Variants in EFCAB6 observed in about 807,000 individuals in gnomAD.
The protein encoded by EFCAB6 is EF-hand calcium-binding domain-containing protein 6.
A neutral mutation model predicts 169.8 loss-of-function variants in EFCAB6; 156 were observed. The ratio of observed to expected loss-of-function variants is 0.92; its 90% confidence interval spans 0.81 to 1.05. The LOEUF (loss-of-function observed/expected upper bound fraction) is 1.05, where lower values mean the gene tolerates loss of function less well. Among genes scored for constraint, EFCAB6 ranks in the 50% least tolerant of loss-of-function variants. EFCAB6 has a pLI of 0.00. For synonymous variants in EFCAB6, 698 were observed against 676.4 expected, an observed-to-expected ratio of 1.03 and a Z score of -0.50; for missense variants, 1,800 against 1,829.1, an observed-to-expected ratio of 0.98 and a Z score of 0.29.
rs372985452 is a variant in EFCAB6, at chr22:43,677,503, G to A, written c.1419+493C>T. 3.9e-5 allele frequency among the ~76,000 whole-genome samples: 6 copies of A among 151,980 alleles called. 1 individual carries two copies. In the South Asian group the frequency reaches 6.2e-4, roughly 16 times the overall value. On this transcript the variant is annotated intron_variant, in intron 13 of 31. Transcript: ENST00000262726. ...TCTACTAAAAACACAAAAATTACCC[G>A]GGCGTAGCAGCACGTGCCTGTAGTC...
chr22:43,671,762 T>C (rs1334783576), intron 15 of EFCAB6, among the ~76,000 whole-genome samples: 1 of 152,202 alleles, frequency 6.6e-6, no homozygotes, highest in East Asian at 1.9e-4. Flanking sequence ...GGAATAATGT[T>C]AGCTACCTTA....
intron 13 of EFCAB6, among the ~76,000 whole-genome samples, chr22:43,677,423 G>GGGCA (rs2057807763): frequency 6.6e-6 from 1 of 152,150 alleles, no homozygotes; most frequent in Admixed American, 6.5e-5. Flanking sequence ...CGAGGCAAGT[G>GGGCA]GATCACGAGG....
chr22:43,566,850 A>ACC (rs57057176), intron 26 of EFCAB6, among the ~76,000 whole-genome samples: 46,739 of 151,866 alleles, frequency 0.31, 8,148 homozygotes, highest in African/African-American at 0.45. Flanking sequence ...GGTGGAGTGG[A>ACC]CCACCTTACT....
chr22:43,735,979 AATGTTTTTGAAAACCTAT>A lies in EFCAB6; in HGVS notation c.508-4_521del. 6.2e-7 allele frequency: 1 copy of A among 1,611,698 alleles called. No individual in the cohort carries two copies. The highest frequency in any genetic ancestry group is 8.5e-7 in the Non-Finnish European group (1 of 1,179,420). On this transcript the variant is annotated splice_acceptor_variant and splice_polypyrimidine_tract_variant and coding_sequence_variant and intron_variant, in exon 7 of 32. Transcript: ENST00000262726. LOFTEE classifies it high-confidence loss of function. ...GCTCAAAGGCTTTCATAACAGTCTT[AATGTTTTTGAAAACCTAT>A]GTACAAAAAGTGATTTAGGAAAAGT...
chr22:43,586,371 CGTG>C (rs748776355), intron 24 of EFCAB6, among the ~76,000 whole-genome samples: 13 of 36,074 alleles, frequency 3.6e-4, no homozygotes, highest in Non-Finnish European at 6.2e-4. Flanking sequence ...TTTTTTGTGA[CGTG>C]GTCTCGCTTT....
At position 43,590,094 on chromosome 22, in the gene EFCAB6, C is replaced by A. The variant is rs758601531; in HGVS notation, c.3012G>T (p.Glu1004Asp). The change falls in exon 24 of 32, where the codon GAG becomes GAT. Residue 1004 changes from glutamate to aspartate, a missense_variant. Transcript: ENST00000262726. ...AAGACCTGTTTAGCAGATGGGTCAG[C>A]TCCCCTTCGGTAAGAGAACATCCAC... ...EECGCSLTEG[E>D]LTHLLNSWGV... The A allele has an allele frequency of 6.2e-7, 1 of 1,613,906 alleles. No individual in the cohort carries two copies. The highest frequency in any genetic ancestry group is 1.1e-5 in the South Asian group (1 of 90,996).
At position 43,540,155 on chromosome 22, in the gene EFCAB6, G is replaced by C. The variant is rs1221800567; in HGVS notation, c.3851C>G (p.Pro1284Arg). 1 of 1,614,130 alleles carries C rather than the reference G, an allele frequency of 6.2e-7. No homozygotes were observed. The highest frequency in any genetic ancestry group is 8.5e-7 in the Non-Finnish European group (1 of 1,180,016). Residue 1284 changes from proline to arginine, a missense_variant, in exon 28 of 32, where the codon CCA becomes CGA. Pro to Arg is a moderately radical substitution (Grantham distance 103, BLOSUM62 -2). Transcript: ENST00000262726. ...ALSLPTQELRPGSKSQSHPCT... is the reference protein window; with the variant it reads ...ALSLPTQELRRGSKSQSHPCT... ...GGGGTGGCTCTGCGACTTTGACCCT[G>C]GTCTCAGCTCCTGAGTGGGCAATGA...
At chr22:43,586,340 ATTTTTTTTTT>A (rs36058832) in intron 24 of EFCAB6, among the ~76,000 whole-genome samples, 3 of 72,906 alleles carry the variant, frequency 4.1e-5, no homozygotes, top group African/African-American at 1.3e-4. Context: ...GCAACAACTG[ATTTTTTTTTT>A]TTTTTTTTTT....
intron 18 of EFCAB6, 133 bp downstream of exon 18, chr22:43,634,969 C>T (rs2055271284): frequency 5.9e-6 from 4 of 673,720 alleles, no homozygotes; most frequent in Admixed American, 2.3e-5. Context: ...TTGTTTGCAG[C>T]CCCAGAAGAC....
chr22:43,551,504 A>C (rs1169951093), intron 27 of EFCAB6, among the ~76,000 whole-genome samples: 1 of 152,198 alleles, frequency 6.6e-6, no homozygotes, highest in East Asian at 1.9e-4. Flanking sequence ...TTGTTTTTTA[A>C]ATTTTTTTCC....
At chr22:43,759,183 C>G (rs1159956217) in intron 5 of EFCAB6, 1 of 152,276 alleles carries the variant, frequency 6.6e-6, no homozygotes, top group Non-Finnish European at 1.5e-5. Context: ...CACATCTACT[C>G]TGTGAACTAA....
At chr22:43,706,866 C>T (rs925375838) in intron 10 of EFCAB6, among the ~76,000 whole-genome samples, 1 of 152,238 alleles carries the variant, frequency 6.6e-6, no homozygotes, top group African/African-American at 2.4e-5. Flanking sequence ...TTTGGCAACA[C>T]TGGACCTCCT....
In EFCAB6 at chr22:43,667,701, TG is replaced by T. The variant is rs528427540; in HGVS notation, c.1815-430del. ...TAAATGAAAGAAATAGGCTGTTTTG[TG>T]GTAACTAGATCAAGGAAGTCATCAA... On this transcript the variant is annotated intron_variant, in intron 16 of 31. Transcript: ENST00000262726. Among the ~76,000 whole-genome samples the T allele has an allele frequency of 5.8e-4, 89 of 152,228 alleles. No individual in the cohort carries two copies. The South Asian group carries it at 8.5e-3, about 15-fold the overall frequency.
At chr22:43,786,744 AAAG>A (rs2062093601) in intron 2 of EFCAB6, among the ~76,000 whole-genome samples, 1 of 151,924 alleles carries the variant, frequency 6.6e-6, no homozygotes, top group African/African-American at 2.4e-5. Flanking sequence ...AAATTTAAAA[AAAG>A]AAAGAAAAGA....
intron 26 of EFCAB6, among the ~76,000 whole-genome samples, chr22:43,556,523 C>G (rs1231068654): frequency 6.6e-6 from 1 of 152,170 alleles, no homozygotes; most frequent in African/African-American, 2.4e-5. Flanking sequence ...CCATGCCCCT[C>G]AGTGCCATGC....
At chr22:43,729,111 G>A (rs2059844469) in intron 8 of EFCAB6, among the ~76,000 whole-genome samples, 1 of 152,294 alleles carries the variant, frequency 6.6e-6, no homozygotes, top group South Asian at 2.1e-4. Flanking sequence ...GGAGGTGCCT[G>A]TCTCCTTTAA....
At chr22:43,667,652 AAGTC>A (rs1212876070) in intron 16 of EFCAB6, among the ~76,000 whole-genome samples, 4 of 152,218 alleles carry the variant, frequency 2.6e-5, no homozygotes, top group Non-Finnish European at 5.9e-5. Flanking sequence ...GAAAAATTAA[AAGTC>A]AGAGCCCATT....
intron 23 of EFCAB6, among the ~76,000 whole-genome samples, chr22:43,594,143 C>T (rs370232567): frequency 5.1e-4 from 77 of 151,942 alleles, no homozygotes; most frequent in African/African-American, 1.7e-3. Context: ...GGTGTGGTGG[C>T]GCATGCCTGT....
At chr22:43,618,667 GA>G (rs2053911816) in intron 20 of EFCAB6, among the ~76,000 whole-genome samples, 1 of 152,188 alleles carries the variant, frequency 6.6e-6, no homozygotes, top group Admixed American at 6.5e-5. Context: ...AGGTCCAAAA[GA>G]AAGGCTGACT....
Sources: allele counts gnomAD v4.1 joint callset (sites outside exome capture counted in the v4.1 genomes callset), GRCh38; gene constraint gnomAD v4.1.1; transcripts MANE v1.5; gene names NCBI Gene and HGNC (gene_info 2026-07-23, HGNC 2026-07-21).